The following AVL9 variants were observed in gnomAD, a reference collection of about 807,000 sequenced individuals.
AVL9 encodes the protein AVL9 cell migration associated.
In AVL9, 49 loss-of-function variants were observed where a neutral mutation model predicts 79.2. The observed-to-expected ratio is 0.62, with a 90% CI of 0.49 to 0.79. The LOEUF (loss-of-function observed/expected upper bound fraction) is 0.79, where lower values mean the gene tolerates loss of function less well. AVL9 is among the 30% of genes least tolerant of loss of function. The probability of loss-of-function intolerance (pLI) is 0.00; values close to 1 mark genes in which losing one functional copy is unlikely to be tolerated. For missense variants in AVL9, 682 were observed against 776.8 expected, an observed-to-expected ratio of 0.88 and a Z score of 1.45; for synonymous variants, 299 against 280.6, an observed-to-expected ratio of 1.07 and a Z score of -0.65.
chr7:32,504,534 C>A (rs1787323341), intron 1 of AVL9, among the ~76,000 whole-genome samples: 1 of 152,120 alleles, frequency 6.6e-6, no homozygotes, highest in African/African-American at 2.4e-5. Flanking sequence ...ACCTAATTGT[C>A]ATTAGGTGTG....
At chr7:32,562,702 C>A in intron 10 of AVL9, 1 of 744,486 alleles carries the variant, frequency 1.3e-6, no homozygotes, top group Non-Finnish European at 1.6e-6. Context: ...GGGAGGATTG[C>A]TTGAAACCAG....
Position 32,569,082 on chromosome 7 carries a change from A to G in AVL9, c.1216-938A>G, listed in dbSNP as rs368531813. Among the ~76,000 whole-genome samples, 33 of 152,318 alleles carry G rather than the reference A, an allele frequency of 2.2e-4. No homozygotes were observed. The East Asian group carries it at 6.0e-3, about 28-fold the overall frequency. On this transcript the variant is annotated intron_variant, in intron 10 of 15. Coordinates refer to ENST00000318709, the MANE Select transcript of AVL9 (RefSeq NM_015060.3). ...AAGAATATCAAGTTGCAAAGCGGATATCCCCTGCCTTCAGAGAGATTTGTC... is the reference window on the plus strand; with the variant it reads ...AAGAATATCAAGTTGCAAAGCGGATGTCCCCTGCCTTCAGAGAGATTTGTC...
intron 1 of AVL9, among the ~76,000 whole-genome samples, chr7:32,521,785 C>T (rs1287094286): frequency 6.6e-6 from 1 of 152,144 alleles, no homozygotes; most frequent in East Asian, 1.9e-4. Context: ...CACAGCCCCT[C>T]CTATCACAGG....
chr7:32,552,288 A>G lies in AVL9; in HGVS notation c.522A>G (p.Val174=), dbSNP rs1453237677. ...LGGASLEGSQ[V]YLGLSPRDLV... is the part of the protein sequence containing the mutation. ...GTGCTTCATTAGAAGGATCCCAAGT[A>G]TATCTTGGTAAGTAACTGACTTACA... Residue 174 remains valine (V), a synonymous_variant, in exon 6 of 16, where the codon GTA becomes GTG. Transcript: ENST00000318709. 6.3e-7 allele frequency: 1 copy of G among 1,593,516 alleles called. No homozygotes were observed.
chr7:32,559,540 G>T, intron 10 of AVL9, 76 bp downstream of exon 10: 1 of 1,439,064 alleles, frequency 6.9e-7, no homozygotes, highest in South Asian at 1.5e-5. Context: ...TTGAACTTTT[G>T]GTATTCAACA....
chr7:32,526,279 C>T (rs1429476687), intron 1 of AVL9, among the ~76,000 whole-genome samples: 2 of 152,192 alleles, frequency 1.3e-5, no homozygotes, highest in African/African-American at 2.4e-5. Context: ...ACAGGAGGTG[C>T]TGTTTTGGGA....
intron 5 of AVL9, 151 bp downstream of exon 5, chr7:32,551,574 G>T: frequency 4.4e-6 from 1 of 227,632 alleles, no homozygotes; most frequent in African/African-American, 2.6e-5. Context: ...TGAAAGACTA[G>T]GAATCTGCCC....
chr7:32,530,002 T>C (rs1198162193), intron 1 of AVL9, among the ~76,000 whole-genome samples: 1 of 152,228 alleles, frequency 6.6e-6, no homozygotes, highest in Non-Finnish European at 1.5e-5. Flanking sequence ...TAGACTTTGA[T>C]TGATTTATCC....
chr7:32,520,053 C>G (rs1482581324), intron 1 of AVL9, among the ~76,000 whole-genome samples: 1 of 152,222 alleles, frequency 6.6e-6, no homozygotes, highest in African/African-American at 2.4e-5. Context: ...CCAGGTCCCT[C>G]CCCTGACATT....
chr7:32,526,715 GA>G (rs2128126548), intron 1 of AVL9, among the ~76,000 whole-genome samples: 1 of 152,208 alleles, frequency 6.6e-6, no homozygotes, highest in Non-Finnish European at 1.5e-5. Flanking sequence ...AAAGAAAAAA[GA>G]GACATTTTTT....
At chr7:32,499,617 T>C (rs185301855) in intron 1 of AVL9, among the ~76,000 whole-genome samples, 325 of 152,264 alleles carry the variant, frequency 2.1e-3, no homozygotes, top group African/African-American at 7.1e-3. Context: ...CTGGGATACA[T>C]GTGCGAAACA....
intron 1 of AVL9, 24 bp from the exon 2 acceptor site, chr7:32,543,117 G>A (rs776485065): frequency 1.9e-6 from 3 of 1,611,760 alleles, no homozygotes; most frequent in Non-Finnish European, 2.5e-6. Context: ...ACCACCTTTT[G>A]GCTAACATTC....
chr7:32,561,532 G>T (rs1182108936), intron 10 of AVL9, among the ~76,000 whole-genome samples: 2 of 152,210 alleles, frequency 1.3e-5, no homozygotes, highest in African/African-American at 4.8e-5. Flanking sequence ...TGGCTTAAGG[G>T]AATGTTCTGT....
intron 1 of AVL9, among the ~76,000 whole-genome samples, chr7:32,521,166 A>AAACT (rs1237602727): frequency 5.9e-5 from 9 of 152,168 alleles, no homozygotes; most frequent in Non-Finnish European, 1.2e-4. Flanking sequence ...CTAATACAGT[A>AAACT]AACTGGTACT....
At chr7:32,539,139 T>C (rs1337421404) in intron 1 of AVL9, 1 of 152,194 alleles carries the variant, frequency 6.6e-6, no homozygotes, top group Non-Finnish European at 1.5e-5. Flanking sequence ...TAGTCCCAGC[T>C]ACTTGGGCAG....
chr7:32,556,159 G>A (rs1186631312), intron 8 of AVL9, among the ~76,000 whole-genome samples: 1 of 152,082 alleles, frequency 6.6e-6, no homozygotes, highest in African/African-American at 2.4e-5. Context: ...AGTTTGGTGA[G>A]AACATAGGTT....
At chr7:32,507,521 C>T (rs973216799) in intron 1 of AVL9, among the ~76,000 whole-genome samples, 4 of 152,138 alleles carry the variant, frequency 2.6e-5, no homozygotes, top group Admixed American at 6.6e-5. Context: ...CTTTTGTGTT[C>T]GGCTTCTTTT....
At chr7:32,543,585 T>A (rs561155051) in intron 2 of AVL9, among the ~76,000 whole-genome samples, 1 of 152,228 alleles carries the variant, frequency 6.6e-6, no homozygotes, top group Non-Finnish European at 1.5e-5. Flanking sequence ...CAGCACCAGC[T>A]GTACATTGCT....
At chr7:32,580,109 C>A (rs1219440872) in intron 13 of AVL9, 110 bp from the exon 14 acceptor site, 8 of 813,430 alleles carry the variant, frequency 9.8e-6, no homozygotes, top group Non-Finnish European at 1.0e-5. Flanking sequence ...CACAGCACTA[C>A]CACCCAGCTG....
Sources: gnomAD v4.1 joint callset for allele counts (sites outside exome capture counted in the v4.1 genomes callset) on GRCh38, gnomAD v4.1.1 for gene constraint, MANE v1.5 for transcripts, NCBI Gene and HGNC (gene_info 2026-07-23, HGNC 2026-07-21) for gene names.